PLCB1: variants seen among roughly 807,000 people sequenced by gnomAD.
PLCB1 encodes the protein phospholipase C beta 1, also known as 1-phosphatidylinositol 4,5-bisphosphate phosphodiesterase beta-1.
In PLCB1, 46 loss-of-function variants were observed where a neutral mutation model predicts 161.8. The ratio of observed to expected loss-of-function variants is 0.28; its 90% CI spans 0.22 to 0.36. PLCB1 has a LOEUF of 0.36. Ranked by LOEUF, PLCB1 falls within the 10% of genes least tolerant of loss-of-function variation. The pLI, the probability that PLCB1 is intolerant of heterozygous loss-of-function variation, is 1.00. For missense variants in PLCB1, 1,016 were observed against 1,472.5 expected, an observed-to-expected ratio of 0.69 and a Z score of 5.07; for synonymous variants, 517 against 503.7, an observed-to-expected ratio of 1.03 and a Z score of -0.35.
intron 3 of PLCB1, among the ~76,000 whole-genome samples, chr20:8,621,630 T>C (rs915786189): frequency 1.3e-5 from 2 of 152,248 alleles, no homozygotes; most frequent in African/African-American, 4.8e-5. Flanking sequence ...CTGCCTAAAA[T>C]ATCGCTAAAC....
intron 4 of PLCB1, among the ~76,000 whole-genome samples, chr20:8,645,319 A>AT (rs1035116403): frequency 6.6e-6 from 1 of 152,002 alleles, no homozygotes; most frequent in African/African-American, 2.4e-5. Flanking sequence ...AAAAATAAAA[A>AT]AAATAAAGAC....
chr20:8,756,930 T>G, intron 23 of PLCB1, 116 bp from the exon 24 acceptor site: 1 of 959,318 alleles, frequency 1.0e-6, no homozygotes, highest in Non-Finnish European at 1.5e-6. Context: ...TCAAATTTGA[T>G]ATTTCCAACT....
intron 2 of PLCB1, among the ~76,000 whole-genome samples, chr20:8,204,887 T>C (rs1978444401): frequency 2.0e-5 from 3 of 152,128 alleles, no homozygotes; most frequent in African/African-American, 7.2e-5. Flanking sequence ...AATAATAGGG[T>C]TCCCTTTCAT....
At chr20:8,783,334 C>T (rs1983330148) in intron 27 of PLCB1, among the ~76,000 whole-genome samples, 2 of 152,130 alleles carry the variant, frequency 1.3e-5, no homozygotes, top group African/African-American at 2.4e-5. Context: ...AATAAATGAT[C>T]GAATGGCTCT....
At chr20:8,539,808 T>C (rs1985235610) in intron 3 of PLCB1, among the ~76,000 whole-genome samples, 1 of 151,884 alleles carries the variant, frequency 6.6e-6, no homozygotes, top group Non-Finnish European at 1.5e-5. Context: ...TTCCATTTGT[T>C]GTTCTTTGTT....
intron 31 of PLCB1, among the ~76,000 whole-genome samples, chr20:8,828,272 C>G (rs764855289): frequency 1.6e-4 from 25 of 152,190 alleles, no homozygotes; most frequent in Non-Finnish European, 3.7e-4. Flanking sequence ...TTAGGATACT[C>G]TCAAAAGCTC....
chr20:8,715,232 A>C (rs1443948570), intron 12 of PLCB1, among the ~76,000 whole-genome samples: 2 of 152,230 alleles, frequency 1.3e-5, no homozygotes, highest in African/African-American at 4.8e-5. Flanking sequence ...CCACGAAATG[A>C]GAAAAAAAAT....
chr20:8,678,390 C>T (rs527394495), intron 9 of PLCB1, among the ~76,000 whole-genome samples: 2 of 152,150 alleles, frequency 1.3e-5, no homozygotes, highest in South Asian at 4.2e-4. Context: ...TCAAAAATAG[C>T]AATACATGCG....
At chr20:8,786,956 C>T (rs946794902) in intron 27 of PLCB1, among the ~76,000 whole-genome samples, 7 of 152,088 alleles carry the variant, frequency 4.6e-5, no homozygotes, top group Admixed American at 1.3e-4. Context: ...CCACCTGCCT[C>T]GGCCTCCCAA....
intron 3 of PLCB1, among the ~76,000 whole-genome samples, chr20:8,558,949 C>T (rs1986052720): frequency 6.6e-6 from 1 of 151,726 alleles, no homozygotes; most frequent in Non-Finnish European, 1.5e-5. Context: ...AAGGAGATGC[C>T]TTCAGGATGT....
chr20:8,796,293 G>T (rs1984023607), intron 31 of PLCB1, among the ~76,000 whole-genome samples: 1 of 152,074 alleles, frequency 6.6e-6, no homozygotes, highest in South Asian at 2.1e-4. Flanking sequence ...CAGGGTGATT[G>T]ACTCATCCCT....
At chr20:8,233,209 C>T (rs779604766) in intron 2 of PLCB1, among the ~76,000 whole-genome samples, 5 of 147,752 alleles carry the variant, frequency 3.4e-5, no homozygotes, top group Non-Finnish European at 7.4e-5. Flanking sequence ...GGGATAGCTC[C>T]AGTGGATACA....
chr20:8,403,796 TA>T (rs1380416757), intron 3 of PLCB1, among the ~76,000 whole-genome samples: 1 of 152,178 alleles, frequency 6.6e-6, no homozygotes, highest in Non-Finnish European at 1.5e-5. Context: ...TTTTAAAGCT[TA>T]ATTTTTTTCA....
intron 2 of PLCB1, among the ~76,000 whole-genome samples, chr20:8,343,066 A>G (rs1985871382): frequency 6.6e-6 from 1 of 152,128 alleles, no homozygotes; most frequent in South Asian, 2.1e-4. Flanking sequence ...CCTCCTTCTC[A>G]TTCCCACAGC....
chr20:8,487,567 A>C (rs531550276), intron 3 of PLCB1, among the ~76,000 whole-genome samples: 1 of 152,278 alleles, frequency 6.6e-6, no homozygotes, highest in Non-Finnish European at 1.5e-5. Flanking sequence ...GCTGTCCTCT[A>C]CTTCTCCTGG....
At chr20:8,676,932 A>G (rs192357823) in intron 9 of PLCB1, among the ~76,000 whole-genome samples, 82 of 152,376 alleles carry the variant, frequency 5.4e-4, no homozygotes, top group Non-Finnish European at 2.6e-4. Context: ...TATTATGTCC[A>G]TGAAAAAGAA....
At chr20:8,338,422 C>T (rs1183822217) in intron 2 of PLCB1, among the ~76,000 whole-genome samples, 1 of 151,962 alleles carries the variant, frequency 6.6e-6, no homozygotes, top group Non-Finnish European at 1.5e-5. Context: ...TGTTCTGGTA[C>T]CAAGATAATT....
At chr20:8,724,610 A>G (rs1490641303) in intron 15 of PLCB1, 46 bp from the exon 16 acceptor site, 2 of 1,054,532 alleles carry the variant, frequency 1.9e-6, no homozygotes, top group East Asian at 2.4e-5. Context: ...AACTGATAAT[A>G]TAATGCTGAC....
intron 3 of PLCB1, among the ~76,000 whole-genome samples, chr20:8,505,034 A>C (rs758431394): frequency 6.6e-6 from 1 of 152,084 alleles, no homozygotes; most frequent in Non-Finnish European, 1.5e-5. Flanking sequence ...ACTTATTTTG[A>C]AAGTTTTGGT....
Sources: gnomAD v4.1 joint callset for allele counts (sites outside exome capture counted in the v4.1 genomes callset) on GRCh38, gnomAD v4.1.1 for gene constraint, MANE v1.5 for transcripts, NCBI Gene and HGNC (gene_info 2026-07-23, HGNC 2026-07-21) for gene names.